Variants in TMEM40 observed in about 807,000 individuals in gnomAD.
TMEM40 encodes transmembrane protein 40.
In TMEM40, 34 loss-of-function variants were observed where a neutral mutation model predicts 40.8. The ratio of observed to expected loss-of-function variants is 0.83; its 90% CI spans 0.63 to 1.11. TMEM40 has a LOEUF of 1.11. Among genes scored for constraint, TMEM40 ranks in the 50% least tolerant of loss-of-function variants. The pLI is 0.00. For synonymous variants in TMEM40, 106 were observed against 107.0 expected (o/e 0.99, Z 0.06); for missense variants, 296 against 280.2 (o/e 1.06, Z -0.40).
chr3:12,750,578 A>C (rs2061467379), intron 1 of TMEM40, among the ~76,000 whole-genome samples: 1 of 152,062 alleles, frequency 6.6e-6, no homozygotes, highest in Admixed American at 6.6e-5. Flanking sequence ...CTTAAATCTG[A>C]GAGGAGGTAG....
intron 3 of TMEM40, among the ~76,000 whole-genome samples, chr3:12,746,237 G>A (rs955229210): frequency 2.0e-5 from 3 of 151,040 alleles, no homozygotes; most frequent in South Asian, 2.1e-4. Flanking sequence ...TAATAACCGC[G>A]GCAGAAAGAT....
chr3:12,739,273 G>C (rs2061362718), intron 5 of TMEM40: 1 of 151,998 alleles, frequency 6.6e-6, no homozygotes, highest in South Asian at 2.1e-4. Context: ...ACAATTGTAA[G>C]TTGCCAGTGA....
At chr3:12,738,021 C>T in intron 7 of TMEM40, 115 bp downstream of exon 7, 2 of 1,315,136 alleles carry the variant, frequency 1.5e-6, no homozygotes, top group Non-Finnish European at 2.2e-6. Flanking sequence ...GTGACACTGG[C>T]TGGCGACAGC....
intron 5 of TMEM40, 83 bp downstream of exon 5, chr3:12,742,371 C>A: frequency 6.7e-7 from 1 of 1,501,780 alleles, no homozygotes; most frequent in Non-Finnish European, 9.2e-7. Flanking sequence ...CATGAATCAC[C>A]CTCATGACCT....
intron 4 of TMEM40, 114 bp from the exon 5 acceptor site, chr3:12,742,621 A>C (rs1438791408): frequency 1.6e-6 from 2 of 1,263,506 alleles, no homozygotes; most frequent in Non-Finnish European, 2.2e-6. Flanking sequence ...GCTGGAGGTG[A>C]GGTGGGGGGC....
At chr3:12,735,238 G>A (rs563714771) in intron 11 of TMEM40, among the ~76,000 whole-genome samples, 158 of 152,360 alleles carry the variant, frequency 1.0e-3, no homozygotes, top group Middle Eastern at 0.01. Flanking sequence ...TTGGGGAAGT[G>A]TAAAGTTCTA....
chr3:12,738,284 GC>G, intron 6 of TMEM40, 116 bp from the exon 7 acceptor site: 1 of 1,206,492 alleles, frequency 8.3e-7, no homozygotes, highest in Non-Finnish European at 1.2e-6. Flanking sequence ...GAATTCTGCA[GC>G]CCCCACGGTA....
intron 1 of TMEM40, among the ~76,000 whole-genome samples, chr3:12,755,060 C>T (rs2061508833): frequency 7.5e-6 from 1 of 132,890 alleles, no homozygotes; most frequent in Admixed American, 8.8e-5. Context: ...CCTTTCCTTC[C>T]TTCTTTCCTT....
chr3:12,738,668 C>T, intron 5 of TMEM40, 80 bp from the exon 6 acceptor site: 1 of 1,481,164 alleles, frequency 6.8e-7, no homozygotes, highest in Non-Finnish European at 9.4e-7. Context: ...AAGGTGGATC[C>T]TGCTCGGAGA....
chr3:12,742,215 G>A (rs2061389040), intron 5 of TMEM40, among the ~76,000 whole-genome samples: 1 of 152,110 alleles, frequency 6.6e-6, no homozygotes, highest in Non-Finnish European at 1.5e-5. Context: ...GGGCGACAGA[G>A]TGAGACTCCG....
upstream of TMEM40, among the ~76,000 whole-genome samples, chr3:12,761,908 G>A (rs976201636): frequency 2.0e-5 from 3 of 152,128 alleles, no homozygotes; most frequent in African/African-American, 7.2e-5. Context: ...ACATATATAT[G>A]TATAATAGAT....
At chr3:12,757,258 T>C (rs572144506) in intron 1 of TMEM40, among the ~76,000 whole-genome samples, 54 of 151,792 alleles carry the variant, frequency 3.6e-4, no homozygotes, top group African/African-American at 1.2e-3. Flanking sequence ...TCACCTGAGG[T>C]CGGGAGTTCG....
In TMEM40 at chr3:12,742,472, C is replaced by T; in HGVS notation, c.337G>A (p.Glu113Lys). 1.2e-6 allele frequency: 2 copies of T among 1,613,976 alleles called. No homozygotes were observed. Among genetic ancestry groups the T allele is most frequent in the South Asian group, 2.2e-5 (2 of 91,054 alleles). Residue 113 changes from glutamate to lysine, a missense_variant, in exon 5 of 12, where the codon GAG (glutamate) becomes AAG (lysine). Glu to Lys is a moderately conservative substitution (Grantham distance 56, BLOSUM62 1). Transcript: ENST00000314124. Reference protein sequence around the residue: ...GHGEPDVLKDELQLYGDAPGE... With the variant: ...GHGEPDVLKDKLQLYGDAPGE... Reference sequence around the variant, plus strand: ...TGATTACCTCCATAGAGTTGAAGCTCATCCTTCAAAACGTCAGGCTCCCCA... The same window carrying T: ...TGATTACCTCCATAGAGTTGAAGCTTATCCTTCAAAACGTCAGGCTCCCCA...
chr3:12,759,057 T>C (rs1055084116), intron 1 of TMEM40, 134 bp downstream of exon 1: 1 of 152,226 alleles, frequency 6.6e-6, no homozygotes, highest in Admixed American at 6.5e-5. Context: ...GCTAGGAAGA[T>C]GCAGAGCTGG....
chr3:12,768,202 TG>T (rs2061603333), intron 1 of TMEM40, among the ~76,000 whole-genome samples: 1 of 152,054 alleles, frequency 6.6e-6, no homozygotes, highest in South Asian at 2.1e-4. Context: ...TTCCTCCCAG[TG>T]GGTTCGTGGT....
chr3:12,743,056 C>A (rs535963014), intron 4 of TMEM40, among the ~76,000 whole-genome samples: 6 of 152,332 alleles, frequency 3.9e-5, no homozygotes, highest in Non-Finnish European at 8.8e-5. Context: ...TTATTAAACA[C>A]CTTCTGTGTG....
upstream of TMEM40, among the ~76,000 whole-genome samples, chr3:12,761,666 T>G (rs533003910): frequency 2.8e-4 from 42 of 149,902 alleles, no homozygotes; most frequent in Admixed American, 5.3e-4. Flanking sequence ...TGTGGACTGG[T>G]GGAGAAGCTG....
chr3:12,767,990 T>C (rs1357782283), intron 1 of TMEM40, among the ~76,000 whole-genome samples: 1 of 152,094 alleles, frequency 6.6e-6, no homozygotes, highest in Non-Finnish European at 1.5e-5. Context: ...GAGACCACAG[T>C]GTGTCTGGAA....
intron 10 of TMEM40, 101 bp downstream of exon 10, chr3:12,736,477 T>C: frequency 7.1e-7 from 1 of 1,418,064 alleles, no homozygotes; most frequent in African/African-American, 1.4e-5. Flanking sequence ...GTGTAGATTG[T>C]GACTCTCTGG....
Sources: gnomAD v4.1 joint callset for allele counts (sites outside exome capture counted in the v4.1 genomes callset) on GRCh38, gnomAD v4.1.1 for gene constraint, MANE v1.5 for transcripts, NCBI Gene and HGNC (gene_info 2026-07-23, HGNC 2026-07-21) for gene names.